Variants in FAXC observed in about 807,000 individuals in gnomAD.
The protein encoded by FAXC is failed axon connections homolog, metaxin like GST domain containing.
Under a neutral mutation model 41.9 loss-of-function variants are expected in FAXC, and 10 were observed. The observed-to-expected ratio is 0.24, with a 90% CI of 0.15 to 0.41. The LOEUF (loss-of-function observed/expected upper bound fraction) is 0.41. Among genes scored for constraint, FAXC ranks in the 10% least tolerant of loss-of-function variants. The pLI, the probability that FAXC is intolerant of heterozygous loss-of-function variation, is 1.00. For missense variants in FAXC, 399 were observed against 510.9 expected, an observed-to-expected ratio of 0.78 and a Z score of 2.11; for synonymous variants, 183 against 183.8, an observed-to-expected ratio of 1.00 and a Z score of 0.03.
rs1467868578 is a variant in FAXC, at chr6:99,273,600, C to T, written c.*7564G>A. Reference sequence around the variant, plus strand: ...TTAAAGGTGACATCAAATTGTTCATCCTTCTCTTTCCCAACCAAAAATGCC... The same window carrying T: ...TTAAAGGTGACATCAAATTGTTCATTCTTCTCTTTCCCAACCAAAAATGCC... On this transcript the variant is annotated 3_prime_UTR_variant, in exon 6 of 6. Transcript: ENST00000389677. The T allele has an allele frequency of 6.6e-6, 1 of 150,628 alleles. No individual in the cohort carries two copies. Among genetic ancestry groups the T allele is most frequent in the East Asian group, 1.9e-4 (1 of 5,150 alleles). 9.3% of individuals were successfully genotyped at this position (150,628 alleles called of 1,614,324 possible).
At chr6:99,291,910 C>T in intron 4 of FAXC, 90 bp from the exon 5 acceptor site, 1 of 937,360 alleles carries the variant, frequency 1.1e-6, no homozygotes, top group Non-Finnish European at 1.8e-6. Context: ...TTACATATTC[C>T]TTTACTGATA....
chr6:99,338,748 G>C (rs1773308932), intron 2 of FAXC, among the ~76,000 whole-genome samples: 1 of 152,122 alleles, frequency 6.6e-6, no homozygotes. Context: ...GCTGAACAAC[G>C]ATCTTTCAAA....
chr6:99,298,226 A>G (rs1771573384), intron 4 of FAXC, among the ~76,000 whole-genome samples: 1 of 88,074 alleles, frequency 1.1e-5, no homozygotes, highest in East Asian at 4.8e-4. Flanking sequence ...ATCACCTGGA[A>G]GGCTTTTTTT....
chr6:99,321,740 C>T (rs1221753287), intron 4 of FAXC, among the ~76,000 whole-genome samples: 3 of 152,224 alleles, frequency 2.0e-5, no homozygotes, highest in African/African-American at 4.8e-5. Flanking sequence ...TCGCTAAACG[C>T]GAGAGAAACA....
intron 3 of FAXC, among the ~76,000 whole-genome samples, chr6:99,324,343 C>CA (rs1396465754): frequency 1.3e-5 from 2 of 152,288 alleles, no homozygotes; most frequent in African/African-American, 4.8e-5. Context: ...GCTGTGACTA[C>CA]AGGCATGCAC....
In FAXC at chr6:99,281,341, G is replaced by A. The variant is rs1196341423; in HGVS notation, c.1053C>T (p.Gly351=). Residue 351 remains glycine, a synonymous_variant, in exon 6 of 6, where the codon GGC becomes GGT. Coordinates refer to ENST00000389677, the MANE Select transcript of FAXC (RefSeq NM_032511.4). ...CCAGCAGCGGGGTGTGGGTTTTGCT[G>A]CCTTCGCTGCTCTCCTCAGACTCAT... ...TIYESEESSE[G]SKTHTPLLDF... is the part of the protein sequence containing the mutation. 4 of 1,614,172 alleles carry A rather than the reference G, an allele frequency of 2.5e-6. No homozygotes were observed. Among genetic ancestry groups the A allele is most frequent in the Non-Finnish European group, 1.7e-6 (2 of 1,179,994 alleles).
chr6:99,342,863 T>C (rs773039297), intron 2 of FAXC, 35 bp downstream of exon 2: 16 of 1,565,536 alleles, frequency 1.0e-5, no homozygotes, highest in African/African-American at 1.4e-5. Flanking sequence ...CTGATACTGA[T>C]GTCATAAAAA....
rs1174982279 is a variant in FAXC, at chr6:99,315,232, T to TAAAAAA, written c.823+8206_823+8211dup. Reference sequence around the variant, plus strand: ...TGGGCAACTGAGCAACACTCCATCTTAAAAAAAAAAAAAAAAAAAAAAAAA... The same window carrying TAAAAAA: ...TGGGCAACTGAGCAACACTCCATCTTAAAAAAAAAAAAAAAAAAAAAAAAAAAAAAA... On this transcript the variant is annotated intron_variant, in intron 4 of 5. Transcript: ENST00000389677. 1.4e-3 allele frequency among the ~76,000 whole-genome samples: 55 copies of TAAAAAA among 40,504 alleles called. 3 individuals carry two copies. The highest frequency in any genetic ancestry group is 7.0e-3 in the African/African-American group (50 of 7,124). 26.6% of individuals were successfully genotyped at this position (40,504 alleles called of 152,430 possible). A position where few individuals can be genotyped will look rare whatever the true frequency, so the allele number is the denominator to read the frequency against.
In FAXC at chr6:99,306,060, G is replaced by GT. The variant is rs540512015; in HGVS notation, c.824-14241dup. Among the ~76,000 whole-genome samples the GT allele has an allele frequency of 3.3e-5, 5 of 152,100 alleles. No individual in the cohort carries two copies. In the South Asian group the frequency reaches 1.0e-3, roughly 32 times the overall value. Reference sequence around the variant, plus strand: ...GAGGGTGGCTGGCAGCTACATTAGAGTGGGTGGTCAGGGAAGGCCTCTCTG... The same window carrying GT: ...GAGGGTGGCTGGCAGCTACATTAGAGTTGGGTGGTCAGGGAAGGCCTCTCTG... On this transcript the variant is annotated intron_variant, in intron 4 of 5. Transcript: ENST00000389677.
intron 1 of FAXC, among the ~76,000 whole-genome samples, chr6:99,347,406 G>A (rs369104461): frequency 1.8e-3 from 254 of 143,322 alleles, no homozygotes; most frequent in Non-Finnish European, 2.0e-3. Context: ...AGTCTCAAAA[G>A]AAAAAAAAAA....
intron 4 of FAXC, among the ~76,000 whole-genome samples, chr6:99,309,302 C>T (rs547796470): frequency 1.3e-5 from 2 of 151,906 alleles, no homozygotes; most frequent in South Asian, 4.2e-4. Context: ...GAAGAAAAAG[C>T]TAAAATATAC....
rs561009894 is a variant in FAXC at position 99,313,551 on chromosome 6, C to G, written c.823+9893G>C. ...ATACAGGAGGTTGGTTTTCTTTTTT[C>G]TCATGTCATCAAGCAATTCAACTTT... On this transcript the variant is annotated intron_variant, in intron 4 of 5. Transcript: ENST00000389677. Among the ~76,000 whole-genome samples, 3 of 152,048 alleles carry G rather than the reference C, an allele frequency of 2.0e-5. No individual in the cohort carries two copies. The East Asian group carries it at 5.8e-4, about 30-fold the overall frequency.
chr6:99,304,545 T>C (rs956638102), intron 4 of FAXC, among the ~76,000 whole-genome samples: 14 of 152,312 alleles, frequency 9.2e-5, no homozygotes, highest in Middle Eastern at 6.8e-3. Context: ...TCCAAAAGCA[T>C]GATACTTTTT....
In FAXC at chr6:99,281,286, A is replaced by T. The variant is rs563175428; in HGVS notation, c.1108T>A (p.Phe370Ile). The T allele has an allele frequency of 6.2e-7, 1 of 1,614,178 alleles. No homozygotes were observed. Among genetic ancestry groups the T allele is most frequent in the Non-Finnish European group, 8.5e-7 (1 of 1,180,040 alleles). Residue 370 changes from phenylalanine to isoleucine, a missense_variant, in exon 6 of 6, where the codon TTT becomes ATT. By Grantham distance (21) the Phe-to-Ile change is conservative. Around this residue, in one of 3 missense-constraint regions of FAXC, gnomAD observed 92 missense variants for 94.9 expected, o/e 0.97. Coordinates refer to ENST00000389677, the MANE Select transcript of FAXC (RefSeq NM_032511.4). ...DFSFYSRTETFEDEGAENSFS... is the reference protein window; with the variant it reads ...DFSFYSRTETIEDEGAENSFS... ...CTGTTTTCTGCTCCCTCATCTTCAA[A>T]GGTCTCTGTCCTTGAGTAAAAGCTA...
intron 2 of FAXC, among the ~76,000 whole-genome samples, chr6:99,334,847 A>T (rs769326621): frequency 2.0e-5 from 3 of 152,126 alleles, no homozygotes; most frequent in Non-Finnish European, 4.4e-5. Context: ...TCCACCATCT[A>T]GCCACTGCCC....
intron 2 of FAXC, 52 bp downstream of exon 2, chr6:99,342,846 T>G: frequency 6.5e-7 from 1 of 1,528,994 alleles, no homozygotes; most frequent in Non-Finnish European, 8.8e-7. Context: ...AGTTAAATAC[T>G]CATCCCCTGA....
At chr6:99,308,464 T>G (rs1582647034) in intron 4 of FAXC, among the ~76,000 whole-genome samples, 1 of 152,312 alleles carries the variant, frequency 6.6e-6, no homozygotes, top group East Asian at 1.9e-4. Context: ...TTTGTGCATC[T>G]TTTGGAGAGC....
At chr6:99,303,579 T>C (rs946614497) in intron 4 of FAXC, among the ~76,000 whole-genome samples, 6 of 152,348 alleles carry the variant, frequency 3.9e-5, no homozygotes, top group Admixed American at 1.3e-4. Context: ...CCAGGCAGCA[T>C]GACAAGTTAG....
At chr6:99,327,601 T>G (rs1290234996) in intron 3 of FAXC, among the ~76,000 whole-genome samples, 2 of 152,160 alleles carry the variant, frequency 1.3e-5, no homozygotes, top group Admixed American at 1.3e-4. Context: ...CCTATCTTCC[T>G]ACTCCACACT....
Sources: gnomAD v4.1 joint callset for allele counts (sites outside exome capture counted in the v4.1 genomes callset) on GRCh38, gnomAD v4.1.1 for gene constraint, gnomAD v4.1.1 regional missense constraint, MANE v1.5 for transcripts, NCBI Gene and HGNC (gene_info 2026-07-23, HGNC 2026-07-21) for gene names.